The following RBFOX1 variants were observed in gnomAD, a reference collection of about 807,000 sequenced individuals.
The protein encoded by RBFOX1 is RNA binding fox-1 homolog 1.
A neutral mutation model predicts 57.7 loss-of-function variants in RBFOX1; 8 were observed. That is an observed-to-expected ratio of 0.14 (90% CI 0.08 to 0.25). RBFOX1 has a LOEUF of 0.25. Ranked by LOEUF, RBFOX1 falls within the 10% of genes least tolerant of loss-of-function variation. The probability of loss-of-function intolerance (pLI) is 1.00; values close to 1 mark genes in which losing one functional copy is unlikely to be tolerated. For synonymous variants in RBFOX1, 326 were observed against 222.4 expected (o/e 1.47, Z -4.15); for missense variants, 611 against 548.5 (o/e 1.11, Z -1.14).
chr16:5,288,701 G>C (rs9924723), intron 1 of RBFOX1, among the ~76,000 whole-genome samples: 150,328 of 151,232 alleles, frequency 0.99, 74,729 homozygotes, highest in Middle Eastern at 1. Flanking sequence ...AAAACTGCAT[G>C]TTTTTTGGTC....
chr16:6,013,398 G>T (rs2094973499), intron 4 of RBFOX1, among the ~76,000 whole-genome samples: 1 of 152,096 alleles, frequency 6.6e-6, no homozygotes, highest in Non-Finnish European at 1.5e-5. Context: ...GCTCCCATTT[G>T]GTGCTGCAGA....
chr16:7,243,210 G>T (rs1191641710), intron 4 of RBFOX1, among the ~76,000 whole-genome samples: 1 of 152,104 alleles, frequency 6.6e-6, no homozygotes, highest in Non-Finnish European at 1.5e-5. Context: ...CTTGCTACGT[G>T]CCAACAACTA....
chr16:6,645,378 G>A (rs984060520), intron 2 of RBFOX1, among the ~76,000 whole-genome samples: 17 of 152,216 alleles, frequency 1.1e-4, no homozygotes, highest in Admixed American at 7.2e-4. Flanking sequence ...CTGAGGTCTC[G>A]GGAGCTTCGT....
intron 5 of RBFOX1, among the ~76,000 whole-genome samples, chr16:7,553,840 G>A (rs1221966695): frequency 6.6e-6 from 1 of 152,184 alleles, no homozygotes; most frequent in Non-Finnish European, 1.5e-5. Flanking sequence ...AGTAGATAGT[G>A]ACATTTAACC....
At chr16:5,363,576 A>AT (rs1458172233) in intron 1 of RBFOX1, among the ~76,000 whole-genome samples, 1 of 152,106 alleles carries the variant, frequency 6.6e-6, no homozygotes, top group Non-Finnish European at 1.5e-5. Flanking sequence ...GGAAGTCCTC[A>AT]TCCCCAGGGC....
intron 8 of RBFOX1, 29 bp from the exon 9 acceptor site, chr16:7,597,342 G>A (rs2094757424): frequency 1.3e-5 from 20 of 1,554,730 alleles, no homozygotes; most frequent in Non-Finnish European, 1.8e-5. Flanking sequence ...CCTAGAATAT[G>A]TGCTTACTTG....
intron 3 of RBFOX1, among the ~76,000 whole-genome samples, chr16:6,728,096 A>G (rs562791108): frequency 6.6e-6 from 1 of 152,320 alleles, no homozygotes; most frequent in East Asian, 1.9e-4. Context: ...CACCAAGTGA[A>G]CTTCAATAAA....
At chr16:6,978,448 G>T (rs906696963) in intron 3 of RBFOX1, among the ~76,000 whole-genome samples, 1 of 152,170 alleles carries the variant, frequency 6.6e-6, no homozygotes, top group Non-Finnish European at 1.5e-5. Context: ...TAAGCCCTTG[G>T]TGCATATTTA....
At chr16:6,879,867 A>T (rs1485766178) in intron 3 of RBFOX1, among the ~76,000 whole-genome samples, 1 of 152,248 alleles carries the variant, frequency 6.6e-6, no homozygotes, top group African/African-American at 2.4e-5. Context: ...ATTATCTCAT[A>T]AATGTGCAAT....
At chr16:6,479,542 C>G (rs2095336852) in intron 2 of RBFOX1, among the ~76,000 whole-genome samples, 1 of 151,854 alleles carries the variant, frequency 6.6e-6, no homozygotes, top group Non-Finnish European at 1.5e-5. Flanking sequence ...GAGCTGAGAT[C>G]ATGCCACTGT....
At chr16:5,642,492 G>A (rs778114514) in intron 3 of RBFOX1, among the ~76,000 whole-genome samples, 2 of 152,178 alleles carry the variant, frequency 1.3e-5, no homozygotes, top group Non-Finnish European at 2.9e-5. Context: ...GTTTGGGAAC[G>A]TCGCTCTTAA....
At chr16:6,855,316 G>T (rs1055350782) in intron 3 of RBFOX1, among the ~76,000 whole-genome samples, 1 of 152,042 alleles carries the variant, frequency 6.6e-6, no homozygotes, top group Non-Finnish European at 1.5e-5. Flanking sequence ...CCAAGAAAAA[G>T]CAAGCAAAAT....
At chr16:6,647,518 G>C (rs8056953) in intron 2 of RBFOX1, among the ~76,000 whole-genome samples, 79,927 of 151,592 alleles carry the variant, frequency 0.53, 21,489 homozygotes, top group Admixed American at 0.67. Context: ...AAAGTGATGG[G>C]ATTATAGGCG....
intron 4 of RBFOX1, among the ~76,000 whole-genome samples, chr16:7,394,507 A>G (rs1425486253): frequency 1.3e-5 from 2 of 152,108 alleles, no homozygotes; most frequent in Non-Finnish European, 2.9e-5. Context: ...CCACACCTTT[A>G]GATGCATAGG....
rs116763105 is a variant in RBFOX1 at position 5,629,344 on chromosome 16, A to G, written c.318+30383A>G. Among the ~76,000 whole-genome samples the G allele has an allele frequency of 5.9e-3, 902 of 152,334 alleles. 8 individuals are homozygous for G. Among genetic ancestry groups the G allele is most frequent in the African/African-American group, 0.021 (857 of 41,576 alleles). On this transcript the variant is annotated intron_variant, in intron 3 of 19. Coordinates refer to the RBFOX1 transcript ENST00000641259. ...CTCAGAATGGATACAGCAGCTAACA[A>G]GAGCAGACCCAGCTATAAACCCACA...
chr16:6,892,824 CTCT>C (rs2065842712), intron 3 of RBFOX1, among the ~76,000 whole-genome samples: 1 of 114,096 alleles, frequency 8.8e-6, no homozygotes, highest in Non-Finnish European at 1.9e-5. Flanking sequence ...CTCTCTCTCT[CTCT>C]ATTCTGCTTC....
At chr16:5,457,730 G>T (rs183309815) in intron 1 of RBFOX1, among the ~76,000 whole-genome samples, 46 of 152,358 alleles carry the variant, frequency 3.0e-4, no homozygotes, top group African/African-American at 8.2e-4. Context: ...TAGGTGCCCT[G>T]CTGGGGCCCA....
chr16:7,149,184 C>T (rs1179588175), intron 4 of RBFOX1, among the ~76,000 whole-genome samples: 3 of 152,046 alleles, frequency 2.0e-5, no homozygotes, highest in African/African-American at 4.8e-5. Context: ...CCCAATTCTC[C>T]TCCTTCATGT....
At chr16:7,691,109 T>C (rs1462857276) in intron 14 of RBFOX1, among the ~76,000 whole-genome samples, 3 of 152,098 alleles carry the variant, frequency 2.0e-5, no homozygotes, top group Admixed American at 6.6e-5. Context: ...GGATTGTTTA[T>C]GTGGATTAAA....
Sources: allele counts gnomAD v4.1 joint callset (sites outside exome capture counted in the v4.1 genomes callset), GRCh38; gene constraint gnomAD v4.1.1; transcripts MANE v1.5; gene names NCBI Gene and HGNC (gene_info 2026-07-23, HGNC 2026-07-21).